The following CREB5 variants were observed in gnomAD, a reference collection of about 807,000 sequenced individuals.
CREB5 encodes cyclic AMP-responsive element-binding protein 5.
CREB5 carries 19 observed loss-of-function variants against 57.1 expected under a neutral mutation model. That is an observed-to-expected ratio of 0.33 (90% CI 0.23 to 0.49). The LOEUF is 0.49. Among genes scored for constraint, CREB5 ranks in the 20% least tolerant of loss-of-function variants. The pLI is 0.99. For missense variants in CREB5, 579 were observed against 671.6 expected (o/e 0.86, Z 1.52); for synonymous variants, 238 against 238.3 (o/e 1.00, Z 0.01).
At chr7:28,331,924 A>T (rs1785724792) in intron 1 of CREB5, among the ~76,000 whole-genome samples, 1 of 151,578 alleles carries the variant, frequency 6.6e-6, no homozygotes, top group African/African-American at 2.4e-5. Context: ...GAGTCGAATG[A>T]TGACCCTCCC....
intron 5 of CREB5, among the ~76,000 whole-genome samples, chr7:28,623,351 C>T (rs975923768): frequency 1.3e-5 from 2 of 152,190 alleles, no homozygotes; most frequent in African/African-American, 4.8e-5. Context: ...GTGATTGCCT[C>T]TAGGCATATT....
At chr7:28,569,827 G>A (rs1221478563) in intron 4 of CREB5, among the ~76,000 whole-genome samples, 1 of 152,086 alleles carries the variant, frequency 6.6e-6, no homozygotes, top group Non-Finnish European at 1.5e-5. Flanking sequence ...TTCCAATCAC[G>A]CATCCTCATT....
At chr7:28,550,804 A>T (rs892512748) in intron 4 of CREB5, among the ~76,000 whole-genome samples, 10 of 152,216 alleles carry the variant, frequency 6.6e-5, no homozygotes, top group Non-Finnish European at 1.3e-4. Flanking sequence ...GGGACTGTAA[A>T]TTGCTTACAT....
chr7:28,656,229 T>A (rs1384170052), intron 5 of CREB5, among the ~76,000 whole-genome samples: 1 of 152,190 alleles, frequency 6.6e-6, no homozygotes, highest in Non-Finnish European at 1.5e-5. Flanking sequence ...CACAAATTTA[T>A]CTTTTCAAAG....
chr7:28,437,977 A>C lies in CREB5; in HGVS notation c.3+25060A>C, dbSNP rs149356388. ...ACAAACACCAGTCATTTATCCCTAC[A>C]TGACATTTTCCAGTTATCCAACCAG... is the stretch of plus-strand genomic sequence containing the variant. On this transcript the variant is annotated intron_variant, in intron 1 of 10. Coordinates refer to ENST00000357727, the MANE Select transcript of CREB5 (RefSeq NM_182898.4). Among the ~76,000 whole-genome samples, 233 of 152,200 alleles carry C rather than the reference A, an allele frequency of 1.5e-3. 1 individual carries two copies. The highest frequency in any genetic ancestry group is 9.7e-4 in the Non-Finnish European group (66 of 67,984).
chr7:28,314,241 C>T (rs2127982366), intron 1 of CREB5, among the ~76,000 whole-genome samples: 1 of 152,286 alleles, frequency 6.6e-6, no homozygotes, highest in South Asian at 2.1e-4. Flanking sequence ...TGATTAAAAG[C>T]ACAACAGTCC....
intron 1 of CREB5, among the ~76,000 whole-genome samples, chr7:28,312,596 C>T (rs1162110418): frequency 1.3e-5 from 2 of 152,126 alleles, no homozygotes; most frequent in African/African-American, 4.8e-5. Flanking sequence ...GTCACTCAAC[C>T]ATTTTGAGGC....
intron 7 of CREB5, among the ~76,000 whole-genome samples, chr7:28,728,198 C>T (rs1026083513): frequency 1.3e-5 from 2 of 152,190 alleles, no homozygotes; most frequent in Non-Finnish European, 2.9e-5. Context: ...CCTCAGTCTC[C>T]CAAAGTGTTG....
chr7:28,744,556 C>T (rs1310266682), intron 7 of CREB5, among the ~76,000 whole-genome samples: 1 of 151,912 alleles, frequency 6.6e-6, no homozygotes, highest in African/African-American at 2.4e-5. Flanking sequence ...CCATGTTGGC[C>T]AGGGTGGTCT....
chr7:28,439,882 G>A (rs1033030590), intron 1 of CREB5, among the ~76,000 whole-genome samples: 1 of 152,126 alleles, frequency 6.6e-6, no homozygotes, highest in Admixed American at 6.5e-5. Context: ...ATTCAGCCTT[G>A]TATGCCCAGA....
intron 1 of CREB5, among the ~76,000 whole-genome samples, chr7:28,435,404 G>A (rs1788919699): frequency 9.0e-6 from 1 of 110,676 alleles, no homozygotes; most frequent in South Asian, 2.8e-4. Flanking sequence ...TTTTTTTTTG[G>A]TCTGGGAGAT....
intron 1 of CREB5, among the ~76,000 whole-genome samples, chr7:28,367,832 C>T (rs1786620427): frequency 6.6e-6 from 1 of 152,002 alleles, no homozygotes; most frequent in Non-Finnish European, 1.5e-5. Flanking sequence ...GACAAACAAA[C>T]AAACAAACAA....
At chr7:28,385,468 G>A (rs961511940) in intron 1 of CREB5, among the ~76,000 whole-genome samples, 5 of 152,108 alleles carry the variant, frequency 3.3e-5, no homozygotes, top group African/African-American at 1.2e-4. Context: ...CTTGAGCCCA[G>A]GAGATCAAGA....
At chr7:28,718,620 A>C in intron 5 of CREB5, 133 bp from the exon 6 acceptor site, 1 of 1,227,480 alleles carries the variant, frequency 8.1e-7, no homozygotes, top group Non-Finnish European at 1.1e-6. Flanking sequence ...TAATATCCTC[A>C]ATTATGTGAC....
upstream of CREB5, among the ~76,000 whole-genome samples, chr7:28,412,265 G>A (rs1466695382): frequency 6.6e-6 from 1 of 152,176 alleles, no homozygotes; most frequent in Non-Finnish European, 1.5e-5. Context: ...AGTTTGTAGT[G>A]CCATTATAAC....
intron 2 of CREB5, among the ~76,000 whole-genome samples, chr7:28,492,692 C>T (rs1158138091): frequency 6.7e-6 from 1 of 149,536 alleles, no homozygotes; most frequent in African/African-American, 2.4e-5. Context: ...AGGCTATTAC[C>T]ATGTTGTGTA....
intron 5 of CREB5, among the ~76,000 whole-genome samples, chr7:28,608,857 GA>G: frequency 6.6e-6 from 1 of 152,252 alleles, no homozygotes; most frequent in Non-Finnish European, 1.5e-5. Context: ...TCAAATAAGA[GA>G]AGAAGAGGAT....
At chr7:28,571,379 T>G (rs562304979) in intron 5 of CREB5, among the ~76,000 whole-genome samples, 3 of 152,136 alleles carry the variant, frequency 2.0e-5, no homozygotes, top group Non-Finnish European at 4.4e-5. Flanking sequence ...TGTAACTGCC[T>G]CCTTACTAGC....
chr7:28,680,689 G>A (rs1053757982), intron 5 of CREB5, among the ~76,000 whole-genome samples: 4 of 151,288 alleles, frequency 2.6e-5, no homozygotes, highest in Admixed American at 6.6e-5. Context: ...AGCCCAGGAG[G>A]TCAAGGCTAC....
Sources: allele counts gnomAD v4.1 joint callset (sites outside exome capture counted in the v4.1 genomes callset), GRCh38; gene constraint gnomAD v4.1.1; transcripts MANE v1.5; gene names NCBI Gene and HGNC (gene_info 2026-07-23, HGNC 2026-07-21).